The following EML1 variants were observed in gnomAD, a reference collection of about 807,000 sequenced individuals.
EML1 encodes the protein EMAP like 1, also known as echinoderm microtubule-associated protein-like 1.
Under a neutral mutation model 110.4 loss-of-function variants are expected in EML1, and 27 were observed. The observed-to-expected ratio is 0.24, with a 90% CI of 0.18 to 0.34. EML1 has a LOEUF of 0.34. Among genes scored for constraint, EML1 ranks in the 10% least tolerant of loss-of-function variants. EML1 has a pLI of 1.00. For synonymous variants in EML1, 344 were observed against 385.8 expected (o/e 0.89, Z 1.27); for missense variants, 741 against 1,030.9 (o/e 0.72, Z 3.85).
chr14:99,916,811 A>G (rs543110367), intron 15 of EML1, among the ~76,000 whole-genome samples: 1 of 152,316 alleles, frequency 6.6e-6, no homozygotes, highest in African/African-American at 2.4e-5. Flanking sequence ...TTCACCAGTG[A>G]TAATTCTTCC....
At chr14:99,782,278 C>T (rs1204778515) in intron 1 of EML1, among the ~76,000 whole-genome samples, 2 of 152,186 alleles carry the variant, frequency 1.3e-5, no homozygotes, top group Non-Finnish European at 2.9e-5. Context: ...CATTTACCAA[C>T]GTTGTGACCT....
chr14:99,764,635 G>T (rs2057349392), intron 1 of EML1, among the ~76,000 whole-genome samples: 1 of 152,244 alleles, frequency 6.6e-6, no homozygotes, highest in Non-Finnish European at 1.5e-5. Context: ...CTTCCTGGAA[G>T]TGCCGCTGCA....
chr14:99,778,438 T>C (rs1286263433), intron 1 of EML1, among the ~76,000 whole-genome samples: 5 of 152,242 alleles, frequency 3.3e-5, no homozygotes, highest in Non-Finnish European at 7.3e-5. Context: ...TGACAGCTTC[T>C]AATTTCAGCT....
At chr14:99,739,087 T>A (rs1410667916) in intron 1 of EML1, among the ~76,000 whole-genome samples, 5 of 127,574 alleles carry the variant, frequency 3.9e-5, no homozygotes, top group African/African-American at 1.7e-4. Context: ...TGTGTGTGTG[T>A]GTGTGAGAGA....
chr14:99,791,553 G>A (rs1201808581), upstream of EML1, among the ~76,000 whole-genome samples: 2 of 152,128 alleles, frequency 1.3e-5, no homozygotes, highest in Non-Finnish European at 1.5e-5. Flanking sequence ...TTGCTACAGG[G>A]CACTTCTAAT....
At chr14:99,851,483 A>G (rs1419312171) in intron 2 of EML1, among the ~76,000 whole-genome samples, 5 of 151,854 alleles carry the variant, frequency 3.3e-5, no homozygotes, top group African/African-American at 9.7e-5. Context: ...TATTTTTTGT[A>G]TTTTTAGTGG....
At chr14:99,747,206 A>AAT (rs57729630) in intron 1 of EML1, among the ~76,000 whole-genome samples, 1 of 147,210 alleles carries the variant, frequency 6.8e-6, no homozygotes, top group Non-Finnish European at 1.5e-5. Flanking sequence ...AAAAAAAAAA[A>AAT]GGAAGAAAAG....
At chr14:99,755,310 C>T (rs368581955) in intron 1 of EML1, among the ~76,000 whole-genome samples, 25 of 152,268 alleles carry the variant, frequency 1.6e-4, no homozygotes, top group African/African-American at 5.1e-4. Context: ...CTGGGGCTGC[C>T]GGAGGGGCCT....
chr14:99,907,789 C>CT (rs2059878400), intron 10 of EML1, 56 bp downstream of exon 10: 1 of 1,558,344 alleles, frequency 6.4e-7, no homozygotes, highest in African/African-American at 1.4e-5. Context: ...CAGAGCCGCC[C>CT]TGGCATAGTG....
chr14:99,787,327 C>A (rs116995082), intron 1 of EML1, among the ~76,000 whole-genome samples: 2 of 131,664 alleles, frequency 1.5e-5, no homozygotes, highest in Non-Finnish European at 3.1e-5. Flanking sequence ...GGCTGGATTG[C>A]GGTGGGCACG....
intron 1 of EML1, among the ~76,000 whole-genome samples, chr14:99,801,059 A>G (rs928584554): frequency 6.6e-6 from 1 of 152,254 alleles, no homozygotes; most frequent in Non-Finnish European, 1.5e-5. Context: ...GGTGTGGTCC[A>G]GGACTGGTGG....
At position 99,780,385 on chromosome 14, in the gene EML1, G is replaced by A. The variant is rs143189676; in HGVS notation, c.-27+6372G>A. 5.0e-3 allele frequency among the ~76,000 whole-genome samples: 768 copies of A among 152,236 alleles called. 5 individuals carry two copies. Among genetic ancestry groups the A allele is most frequent in the African/African-American group, 0.018 (730 of 41,528 alleles). On this transcript the variant is annotated intron_variant, in intron 1 of 22. Coordinates refer to the EML1 transcript ENST00000327921. Reference sequence around the variant, plus strand: ...GTTCTCTGTGGGGAAGTAGGTTGCTGGTTGGCTGCCCACCCTTGCTAGCTT... The same window carrying A: ...GTTCTCTGTGGGGAAGTAGGTTGCTAGTTGGCTGCCCACCCTTGCTAGCTT...
intron 19 of EML1, 123 bp from the exon 20 acceptor site, chr14:99,937,694 G>A: frequency 1.3e-6 from 1 of 770,046 alleles, no homozygotes; most frequent in South Asian, 1.7e-5. Context: ...ACTGGGAAGT[G>A]GAAGGTCTCC....
chr14:99,874,886 G>A, intron 3 of EML1: 1 of 1,540,464 alleles, frequency 6.5e-7, no homozygotes, highest in Admixed American at 1.8e-5. Flanking sequence ...TTTATTAATT[G>A]CACTCACATT....
At chr14:99,740,807 G>T (rs1373503333) in intron 1 of EML1, among the ~76,000 whole-genome samples, 1 of 152,172 alleles carries the variant, frequency 6.6e-6, no homozygotes, top group East Asian at 1.9e-4. Context: ...AATAGGATCT[G>T]TAAGTGCTTG....
intron 17 of EML1, among the ~76,000 whole-genome samples, chr14:99,921,610 A>G (rs747512534): frequency 2.2e-4 from 34 of 152,300 alleles, no homozygotes; most frequent in Middle Eastern, 3.4e-3. Context: ...ATCAGCTCTC[A>G]GCCAGTTTCC....
intron 1 of EML1, among the ~76,000 whole-genome samples, chr14:99,749,369 A>T (rs2057150535): frequency 6.6e-6 from 1 of 152,152 alleles, no homozygotes; most frequent in South Asian, 2.1e-4. Flanking sequence ...GTGAAGTGGT[A>T]TCTCACTGAG....
intron 10 of EML1, 33 bp from the exon 11 acceptor site, chr14:99,909,312 T>C (rs755395426): frequency 6.2e-7 from 1 of 1,614,002 alleles, no homozygotes; most frequent in Non-Finnish European, 8.5e-7. Context: ...TCTTAAGAGA[T>C]GTGAGGCATC....
At chr14:99,870,752 C>T (rs892205701) in intron 3 of EML1, among the ~76,000 whole-genome samples, 1 of 152,166 alleles carries the variant, frequency 6.6e-6, no homozygotes, top group Non-Finnish European at 1.5e-5. Flanking sequence ...ATATGATGTA[C>T]TGAATATTCT....
Sources: gnomAD v4.1 joint callset for allele counts (sites outside exome capture counted in the v4.1 genomes callset) on GRCh38, gnomAD v4.1.1 for gene constraint, MANE v1.5 for transcripts, NCBI Gene and HGNC (gene_info 2026-07-23, HGNC 2026-07-21) for gene names.